The following PAK5 variants were observed in gnomAD, a reference collection of about 807,000 sequenced individuals.
PAK5 encodes the protein serine/threonine-protein kinase PAK 5.
PAK5 carries 16 observed loss-of-function variants against 65.9 expected under a neutral mutation model. The ratio of observed to expected loss-of-function variants is 0.24; its 90% CI spans 0.16 to 0.37. PAK5 has a LOEUF of 0.37. Ranked by LOEUF, PAK5 falls within the 10% of genes least tolerant of loss-of-function variation. The pLI is 1.00. For missense variants in PAK5, 785 were observed against 903.9 expected, an observed-to-expected ratio of 0.87 and a Z score of 1.69; for synonymous variants, 371 against 354.9, an observed-to-expected ratio of 1.05 and a Z score of -0.51.
chr20:9,718,844 A>T (rs1044781338), intron 1 of PAK5, among the ~76,000 whole-genome samples: 21 of 152,170 alleles, frequency 1.4e-4, no homozygotes, highest in African/African-American at 5.1e-4. Context: ...TAGATGCTGC[A>T]TTCCTCATCC....
At chr20:9,598,387 C>A (rs2046307828) in intron 3 of PAK5, among the ~76,000 whole-genome samples, 1 of 152,132 alleles carries the variant, frequency 6.6e-6, no homozygotes, top group South Asian at 2.1e-4. Flanking sequence ...GATCCCGTGT[C>A]TTTGCTATTG....
intron 1 of PAK5, among the ~76,000 whole-genome samples, chr20:9,751,390 T>A (rs999493402): frequency 3.9e-5 from 6 of 152,164 alleles, no homozygotes; most frequent in Non-Finnish European, 7.4e-5. Context: ...TTGAAACGAC[T>A]GGTTTCTTCA....
intron 7 of PAK5, among the ~76,000 whole-genome samples, chr20:9,550,371 G>A (rs545909171): frequency 6.6e-6 from 1 of 152,294 alleles, no homozygotes; most frequent in East Asian, 1.9e-4. Flanking sequence ...CAGGTAGCAG[G>A]AGAGTCCAAT....
chr20:9,768,109 A>G lies in PAK5; in HGVS notation c.-161-56674T>C, dbSNP rs964339242. 1.1e-4 allele frequency among the ~76,000 whole-genome samples: 17 copies of G among 152,122 alleles called. 1 individual carries two copies. Among genetic ancestry groups the G allele is most frequent in the Admixed American group, 2.0e-4 (3 of 15,256 alleles). ...ACCTATGGACAACTTTTATTTTTTT[A>G]ATTTTTGATTACTATGGGCACGTAA... On this transcript the variant is annotated intron_variant, in intron 1 of 9. Transcript: ENST00000353224.
intron 1 of PAK5, among the ~76,000 whole-genome samples, chr20:9,748,458 C>A (rs368886133): frequency 1.4e-4 from 21 of 152,178 alleles, no homozygotes; most frequent in African/African-American, 5.1e-4. Flanking sequence ...CTACAGTAAC[C>A]AAAACAGCAT....
At chr20:9,582,528 T>C (rs552879306) in intron 3 of PAK5, among the ~76,000 whole-genome samples, 2 of 152,328 alleles carry the variant, frequency 1.3e-5, no homozygotes, top group African/African-American at 4.8e-5. Context: ...ATGTTAGCCC[T>C]GACTACCTGG....
At chr20:9,677,133 GTCT>G (rs2047585848) in intron 2 of PAK5, among the ~76,000 whole-genome samples, 3 of 151,384 alleles carry the variant, frequency 2.0e-5, no homozygotes, top group Admixed American at 6.6e-5. Context: ...GGAAAGGAAT[GTCT>G]TTTTTAAAAA....
chr20:9,626,744 T>TTAATTA (rs1244312223), intron 3 of PAK5, among the ~76,000 whole-genome samples: 177 of 152,380 alleles, frequency 1.2e-3, no homozygotes, highest in African/African-American at 3.9e-3. Context: ...CAGTTTGGAC[T>TTAATTA]GAATTACCTA....
At chr20:9,604,347 C>T (rs2046413507) in intron 3 of PAK5, among the ~76,000 whole-genome samples, 1 of 152,234 alleles carries the variant, frequency 6.6e-6, no homozygotes, top group Non-Finnish European at 1.5e-5. Context: ...GGTTTTCCTG[C>T]CACTGGACCC....
At chr20:9,712,804 C>T (rs2423434) in intron 1 of PAK5, among the ~76,000 whole-genome samples, 61,207 of 151,828 alleles carry the variant, frequency 0.4, 12,884 homozygotes, top group South Asian at 0.53. Flanking sequence ...CTAGGAAAAC[C>T]TGATATACAT....
intron 1 of PAK5, among the ~76,000 whole-genome samples, chr20:9,792,619 C>T (rs1014522996): frequency 4.6e-5 from 7 of 152,072 alleles, no homozygotes; most frequent in African/African-American, 1.7e-4. Context: ...GGAGACAATC[C>T]TTTTGAGAAT....
intron 1 of PAK5, among the ~76,000 whole-genome samples, chr20:9,747,656 C>G (rs1273988952): frequency 6.6e-6 from 1 of 151,974 alleles, no homozygotes; most frequent in African/African-American, 2.4e-5. Context: ...TAAAAACTCT[C>G]AATAAATTAG....
Position 9,539,335 on chromosome 20 carries a change from A to T in PAK5, c.*127T>A, listed in dbSNP as rs1231906531. The stretch of plus-strand genomic sequence containing the variant: ...CCTGGTCTGTTGAACCCTGCCGGTC[A>T]TCACGCTGTCCCACCAATTGGCTGG... On this transcript the variant is annotated 3_prime_UTR_variant, in exon 10 of 10. Coordinates refer to ENST00000353224, the MANE Select transcript of PAK5 (RefSeq NM_177990.4). The T allele has an allele frequency of 5.8e-6, 5 of 862,876 alleles. No individual in the cohort carries two copies. In the East Asian group the frequency reaches 1.2e-4, roughly 21 times the overall value. The allele number at this position is 862,876 out of a possible 1,614,324, so 53.5% of individuals were successfully genotyped here.
intron 1 of PAK5, among the ~76,000 whole-genome samples, chr20:9,734,537 C>T (rs1462896312): frequency 6.9e-6 from 1 of 144,750 alleles, no homozygotes; most frequent in African/African-American, 2.6e-5. Flanking sequence ...GACTGATAGA[C>T]ACACACGCGC....
chr20:9,559,171 T>G (rs895886212), intron 6 of PAK5, among the ~76,000 whole-genome samples: 3 of 152,128 alleles, frequency 2.0e-5, no homozygotes, highest in Non-Finnish European at 4.4e-5. Flanking sequence ...CTCATCTATG[T>G]GCAAAACTTC....
intron 1 of PAK5, among the ~76,000 whole-genome samples, chr20:9,735,050 A>G (rs1203267543): frequency 6.6e-6 from 1 of 152,244 alleles, no homozygotes; most frequent in East Asian, 1.9e-4. Context: ...TTTAAAGATC[A>G]GATCTCATTC....
rs2123014159 is a variant in PAK5 at position 9,580,542 on chromosome 20, T to A, written c.593A>T (p.Asp198Val). Reference protein sequence around the residue: ...LKSDFARFSADYHSHLDSLSK... With the variant: ...LKSDFARFSAVYHSHLDSLSK... Reference sequence around the variant, plus strand: ...CAGTGAGTCCAAATGTGAGTGATAATCGGCAGAAAATCTGGCAAAATCGGA... The same window carrying A: ...CAGTGAGTCCAAATGTGAGTGATAAACGGCAGAAAATCTGGCAAAATCGGA... Residue 198 changes from aspartate to valine, a missense_variant, in exon 4 of 10, where the codon GAT (aspartate) becomes GTT (valine). Physicochemically the swap from Asp to Val is radical, Grantham distance 152. Transcript: ENST00000353224. 1 of 1,614,140 alleles carries A rather than the reference T, an allele frequency of 6.2e-7. No individual in the cohort carries two copies. Among genetic ancestry groups the A allele is most frequent in the Non-Finnish European group, 8.5e-7 (1 of 1,180,020 alleles).
Position 9,539,398 on chromosome 20 carries a change from CT to C in PAK5, c.*63del, listed in dbSNP as rs2045221857. 1.3e-6 allele frequency: 2 copies of C among 1,520,912 alleles called. No homozygotes were observed. Among genetic ancestry groups the C allele is most frequent in the Admixed American group, 1.7e-5 (1 of 58,762 alleles). 94.2% of individuals were successfully genotyped at this position (1,520,912 alleles called of 1,614,324 possible). A position where few individuals can be genotyped will look rare whatever the true frequency, so the allele number is the denominator to read the frequency against. ...AGGCCTTTTGCATGTTCTGTGTTTC[CT>C]TTTGTTCTCCTGAATTATTCTCATG... On this transcript the variant is annotated 3_prime_UTR_variant, in exon 10 of 10. Transcript: ENST00000353224.
intron 4 of PAK5, chr20:9,577,500 T>C (rs185689250): frequency 6.6e-6 from 1 of 152,286 alleles, no homozygotes; most frequent in East Asian, 1.9e-4. Context: ...GATGAAAACA[T>C]GACCCAGCCT....
Sources: allele counts gnomAD v4.1 joint callset (sites outside exome capture counted in the v4.1 genomes callset), GRCh38; gene constraint gnomAD v4.1.1; transcripts MANE v1.5; gene names NCBI Gene and HGNC (gene_info 2026-07-23, HGNC 2026-07-21).